PIGB: variants seen among roughly 807,000 people sequenced by gnomAD.
The protein encoded by PIGB is GPI alpha-1,2-mannosyltransferase 3.
In PIGB, 58 loss-of-function variants were observed where a neutral mutation model predicts 68.4. That is an observed-to-expected ratio of 0.85 (90% CI 0.69 to 1.06). The LOEUF (loss-of-function observed/expected upper bound fraction) is 1.06. Ranked by LOEUF, PIGB falls within the 50% of genes least tolerant of loss-of-function variation. The pLI, the probability that PIGB is intolerant of heterozygous loss-of-function variation, is 0.00. For synonymous variants in PIGB, 219 were observed against 220.5 expected, an observed-to-expected ratio of 0.99 and a Z score of 0.06; for missense variants, 634 against 655.8, an observed-to-expected ratio of 0.97 and a Z score of 0.36.
chr15:55,343,510 T>C (rs2055720218), intron 9 of PIGB: 1 of 152,228 alleles, frequency 6.6e-6, no homozygotes, highest in Admixed American at 6.5e-5. Flanking sequence ...AACCAGATTT[T>C]TCCAGCATTC....
intron 6 of PIGB, among the ~76,000 whole-genome samples, chr15:55,336,526 T>C (rs1334891369): frequency 6.6e-6 from 1 of 152,248 alleles, no homozygotes; most frequent in Admixed American, 6.5e-5. Context: ...CAAAATCATC[T>C]AACACAAAGC....
At chr15:55,331,783 A>C (rs2055421290) in intron 5 of PIGB, among the ~76,000 whole-genome samples, 1 of 152,064 alleles carries the variant, frequency 6.6e-6, no homozygotes, top group Non-Finnish European at 1.5e-5. Context: ...GGATCAAGTA[A>C]TCCTCCCACC....
chr15:55,355,096 A>T, intron 11 of PIGB, 118 bp downstream of exon 11: 2 of 963,858 alleles, frequency 2.1e-6, no homozygotes, highest in Non-Finnish European at 3.1e-6. Flanking sequence ...CACATTTCAT[A>T]ATTAGTCTTT....
chr15:55,346,050 TAC>T (rs2141209949), intron 9 of PIGB, among the ~76,000 whole-genome samples: 1 of 152,330 alleles, frequency 6.6e-6, no homozygotes, highest in South Asian at 2.1e-4. Flanking sequence ...ATCAGCAATG[TAC>T]AGTCTCAGAT....
intron 1 of PIGB, chr15:55,320,046 A>G (rs2055127633): frequency 2.7e-6 from 1 of 366,190 alleles, no homozygotes; most frequent in Non-Finnish European, 4.9e-6. Flanking sequence ...TATTATCTTT[A>G]CACAATAAGT....
At chr15:55,341,633 T>A in intron 8 of PIGB, 105 bp from the exon 9 acceptor site, 1 of 383,720 alleles carries the variant, frequency 2.6e-6, no homozygotes, top group Non-Finnish European at 4.4e-6. Flanking sequence ...ACTTAGAAAA[T>A]AAATAGATCA....
At chr15:55,323,891 G>A (rs2055219738) in intron 3 of PIGB, among the ~76,000 whole-genome samples, 1 of 152,114 alleles carries the variant, frequency 6.6e-6, no homozygotes, top group Admixed American at 6.5e-5. Flanking sequence ...AGGTTTGTTG[G>A]GTTTTGTTTC....
At chr15:55,342,944 C>T (rs1479464454) in intron 9 of PIGB, among the ~76,000 whole-genome samples, 2 of 151,700 alleles carry the variant, frequency 1.3e-5, no homozygotes, top group Admixed American at 6.6e-5. Flanking sequence ...AAAATCACAG[C>T]GTTGAGAGAG....
Position 55,355,358 on chromosome 15 carries a change from G to T in PIGB, c.1591G>T (p.Gly531Cys). ...TTTCTTCCACACTCACTTGCCAGAG[G>T]GTCGAATTGGAAGTCACATATATGT... ...AVFFHTHLPE[G>C]RIGSHIYVYE... is the part of the protein sequence containing the mutation. Residue 531 changes from glycine (G) to cysteine (C), a missense_variant, in exon 12 of 12, where the codon GGT (glycine) becomes TGT (cysteine). Physicochemically the swap from Gly to Cys is radical, Grantham distance 159. Transcript: ENST00000164305. 6.2e-7 allele frequency: 1 copy of T among 1,610,490 alleles called. No homozygotes were observed. Among genetic ancestry groups the T allele is most frequent in the Non-Finnish European group, 8.5e-7 (1 of 1,177,010 alleles).
chr15:55,326,184 G>A (rs964112363), intron 3 of PIGB, among the ~76,000 whole-genome samples: 40 of 146,544 alleles, frequency 2.7e-4, no homozygotes, highest in Non-Finnish European at 6.0e-5. Flanking sequence ...GCAACAGAGC[G>A]AGACTCTGTC....
At position 55,355,533 on chromosome 15, in the gene PIGB, T is replaced by C. The variant is rs1335133884; in HGVS notation, c.*101T>C. The C allele has an allele frequency of 4.5e-6, 4 of 883,954 alleles. No homozygotes were observed. In the East Asian group the frequency reaches 9.9e-5, roughly 22 times the overall value. 54.8% of individuals were successfully genotyped at this position (883,954 alleles called of 1,614,324 possible). A position where few individuals can be genotyped will look rare whatever the true frequency, so the allele number is the denominator to read the frequency against. On this transcript the variant is annotated 3_prime_UTR_variant, in exon 12 of 12. Transcript: ENST00000164305. ...AGATTCATGGAACTTAGAAAAAAGC[T>C]GTATGAACTGCTTTACCAAATATCA... is the stretch of plus-strand genomic sequence containing the variant.
intron 7 of PIGB, chr15:55,340,063 C>T (rs1187573363): frequency 6.6e-6 from 1 of 152,124 alleles, no homozygotes; most frequent in African/African-American, 2.4e-5. Flanking sequence ...TTGATTCTCA[C>T]TTTGAATCTC....
At chr15:55,331,405 C>T (rs1310228758) in intron 5 of PIGB, among the ~76,000 whole-genome samples, 1 of 152,026 alleles carries the variant, frequency 6.6e-6, no homozygotes, top group Non-Finnish European at 1.5e-5. Context: ...TGACATTTTG[C>T]ACACTCCTTT....
chr15:55,329,962 G>A, intron 5 of PIGB, 108 bp downstream of exon 5: 1 of 687,076 alleles, frequency 1.5e-6, no homozygotes, highest in Non-Finnish European at 2.4e-6. Context: ...CATGAGTCAT[G>A]AGAACCACAA....
intron 9 of PIGB, among the ~76,000 whole-genome samples, chr15:55,348,632 A>G (rs1388953118): frequency 6.6e-6 from 1 of 151,960 alleles, no homozygotes; most frequent in Non-Finnish European, 1.5e-5. Context: ...CTGCTCTCTC[A>G]CCATGTGATC....
In PIGB at chr15:55,340,707, A is replaced by C. The variant is rs1251799688; in HGVS notation, c.942A>C (p.Gln314His). ...GSHPWHWYFS[Q>H]GFPVILGTHL... The stretch of plus-strand genomic sequence containing the variant: ...ATCCATGGCACTGGTACTTCAGTCA[A>C]GGATTTCCAGTTATCTTGGGTACTC... The change falls in exon 8 of 12, where the codon CAA (glutamine) becomes CAC (histidine). Residue 314 changes from glutamine (Q) to histidine (H), a missense_variant. Transcript: ENST00000164305. 1 of 1,611,796 alleles carries C rather than the reference A, an allele frequency of 6.2e-7. No homozygotes were observed. The highest frequency in any genetic ancestry group is 1.7e-5 in the Admixed American group (1 of 59,870).
chr15:55,355,227 C>A, intron 11 of PIGB, 59 bp from the exon 12 acceptor site: 1 of 1,362,126 alleles, frequency 7.3e-7, no homozygotes, highest in Non-Finnish European at 1.0e-6. Flanking sequence ...CTAAAATTGA[C>A]TGAAACAGTA....
chr15:55,328,858 C>T (rs2899585), intron 4 of PIGB, among the ~76,000 whole-genome samples: 7,861 of 152,090 alleles, frequency 0.052, 277 homozygotes, highest in East Asian at 0.15. Flanking sequence ...CCCAGCTACT[C>T]GGGAGGCTAA....
chr15:55,350,920 A>C lies in PIGB; in HGVS notation c.1337+8A>C, dbSNP rs561042571. 4 of 1,394,934 alleles carry C rather than the reference A, an allele frequency of 2.9e-6. No individual in the cohort carries two copies. The Admixed American group carries it at 7.1e-5, about 25-fold the overall frequency. The allele number at this position is 1,394,934 out of a possible 1,614,324, so 86.4% of individuals were successfully genotyped here. On this transcript the variant is annotated splice_region_variant and intron_variant, in intron 10 of 11. Transcript: ENST00000164305. ...CTCTACTCCTTATTACAGGTAATAA[A>C]AGATGTTCCACTATATGCTGTTAAG...
Sources: allele counts gnomAD v4.1 joint callset (sites outside exome capture counted in the v4.1 genomes callset), GRCh38; gene constraint gnomAD v4.1.1; transcripts MANE v1.5; gene names NCBI Gene and HGNC (gene_info 2026-07-23, HGNC 2026-07-21).